TTYH3: variants seen among roughly 807,000 people sequenced by gnomAD.
TTYH3 encodes the protein tweety family member 3, also known as protein tweety homolog 3.
TTYH3 carries 23 observed loss-of-function variants against 68.2 expected under a neutral mutation model. That is an observed-to-expected ratio of 0.34 (90% confidence interval 0.24 to 0.48). TTYH3 has a LOEUF of 0.48. Ranked by LOEUF, TTYH3 falls within the 20% of genes least tolerant of loss-of-function variation. TTYH3 has a pLI of 0.99. For missense variants in TTYH3, 768 were observed against 727.7 expected (o/e 1.06, Z -0.64); for synonymous variants, 360 against 332.8 (o/e 1.08, Z -0.89).
chr7:2,654,811 GTC>G (rs1171826812), intron 9 of TTYH3, among the ~76,000 whole-genome samples: 2 of 152,142 alleles, frequency 1.3e-5, no homozygotes, highest in African/African-American at 2.4e-5. Flanking sequence ...TTGAGACAGA[GTC>G]TCTCTCTGTT....
chr7:2,649,355 G>T (rs1201890317), intron 5 of TTYH3, among the ~76,000 whole-genome samples: 1 of 152,150 alleles, frequency 6.6e-6, no homozygotes, highest in African/African-American at 2.4e-5. Flanking sequence ...TTCCAGCTCA[G>T]ATCTCTGAGC....
At chr7:2,634,160 C>T (rs560347622) in intron 1 of TTYH3, among the ~76,000 whole-genome samples, 24 of 152,308 alleles carry the variant, frequency 1.6e-4, no homozygotes, top group Admixed American at 5.9e-4. Flanking sequence ...CTCCATCCCC[C>T]GCCGCCTCCA....
At chr7:2,659,788 A>G (rs906413065) in intron 13 of TTYH3, among the ~76,000 whole-genome samples, 2 of 152,088 alleles carry the variant, frequency 1.3e-5, no homozygotes, top group African/African-American at 4.8e-5. Flanking sequence ...TGTGAGGTTC[A>G]GGCCACACAG....
At chr7:2,656,891 G>A (rs1033596696) in intron 11 of TTYH3, among the ~76,000 whole-genome samples, 2 of 152,252 alleles carry the variant, frequency 1.3e-5, no homozygotes, top group Non-Finnish European at 2.9e-5. Flanking sequence ...CCAGGCAGGT[G>A]TCCCCCACCA....
chr7:2,653,157 G>A (rs2114992646), intron 9 of TTYH3, 147 bp downstream of exon 9: 1 of 671,886 alleles, frequency 1.5e-6, no homozygotes, highest in Non-Finnish European at 2.5e-6. Flanking sequence ...AGGTGGCATG[G>A]GAGGTGTTCC....
In TTYH3 at chr7:2,647,654, C is replaced by CTT; in HGVS notation, c.626+17_626+18dup. 1 of 1,542,308 alleles carries CTT rather than the reference C, an allele frequency of 6.5e-7. No individual in the cohort carries two copies. The highest frequency in any genetic ancestry group is 8.8e-7 in the Non-Finnish European group (1 of 1,139,400). ...ACTGGTACAGGTGCGGCCAGGCCCT[C>CTT]TTCCCTGCCCGCCCCACGTGGGAAA... On this transcript the variant is annotated intron_variant, in intron 4 of 13. Transcript: ENST00000258796.
intron 1 of TTYH3, among the ~76,000 whole-genome samples, chr7:2,641,506 G>T (rs1361300036): frequency 1.3e-5 from 2 of 152,212 alleles, no homozygotes; most frequent in Non-Finnish European, 2.9e-5. Flanking sequence ...TGTGGCAGTT[G>T]AGTCCTCTCC....
intron 1 of TTYH3, among the ~76,000 whole-genome samples, chr7:2,642,611 C>A (rs1359905414): frequency 6.6e-6 from 1 of 151,326 alleles, no homozygotes; most frequent in Non-Finnish European, 1.5e-5. Context: ...GCCTGTGGTC[C>A]AAGCTACTTG....
At chr7:2,652,270 C>T (rs1323479862) in intron 8 of TTYH3, 28 bp downstream of exon 8, 8 of 1,605,088 alleles carry the variant, frequency 5.0e-6, no homozygotes, top group Non-Finnish European at 6.8e-6. Flanking sequence ...CGGGACTGGG[C>T]TTCAGGAGAG....
rs140155858 is a variant in TTYH3, at chr7:2,656,155, G to A, written c.1084G>A (p.Ala362Thr). 4.5e-6 allele frequency: 7 copies of A among 1,570,528 alleles called. No homozygotes were observed. The highest frequency in any genetic ancestry group is 1.4e-5 in the African/African-American group (1 of 73,906). The stretch of plus-strand genomic sequence containing the variant: ...GGAGGTGAACCTGCAGCACCTCACC[G>A]CCCTGGTGGACTGCCGCAGCCTGCA... ...GTEVNLQHLT[A>T]LVDCRSLHLD... The change falls in exon 10 of 14, where the codon GCC becomes ACC. Residue 362 changes from alanine to threonine, a missense_variant. By Grantham distance (58) the Ala-to-Thr change is moderately conservative. Transcript: ENST00000258796.
chr7:2,649,386 G>A (rs781362699), intron 5 of TTYH3, among the ~76,000 whole-genome samples, 181 bp from the exon 6 acceptor site: 15 of 152,152 alleles, frequency 9.9e-5, no homozygotes, highest in Non-Finnish European at 2.1e-4. Flanking sequence ...CTAGGAGAGG[G>A]ATCCATCTGG....
At chr7:2,651,132 G>T (rs1451612483) in intron 7 of TTYH3, among the ~76,000 whole-genome samples, 4 of 152,076 alleles carry the variant, frequency 2.6e-5, no homozygotes, top group African/African-American at 9.7e-5. Context: ...CTGGAGATCG[G>T]GGTGCCGTCA....
At chr7:2,632,316 C>A in intron 1 of TTYH3, 38 bp downstream of exon 1, 3 of 1,523,118 alleles carry the variant, frequency 2.0e-6, no homozygotes, top group East Asian at 2.4e-5. Flanking sequence ...GTCAGGGACC[C>A]CAGGTCACGG....
intron 5 of TTYH3, 138 bp downstream of exon 5, chr7:2,648,192 C>G: frequency 1.3e-6 from 1 of 765,100 alleles, no homozygotes; most frequent in Non-Finnish European, 2.1e-6. Context: ...CCCCCCTGCA[C>G]TGGGCCTGCT....
intron 1 of TTYH3, among the ~76,000 whole-genome samples, chr7:2,639,261 C>T (rs1304149974): frequency 4.6e-5 from 7 of 152,192 alleles, no homozygotes; most frequent in Non-Finnish European, 8.8e-5. Flanking sequence ...TACGCACAGG[C>T]TCAGGCCAGG....
rs1313754094 is a variant in TTYH3, at chr7:2,663,034, A to C, written c.*1295A>C. ...CATGAAGTGGGAGCGAGGCTCCCCAATGGTGCTTTTGGCTTTAGTGTACGA... is the reference window on the plus strand; with the variant it reads ...CATGAAGTGGGAGCGAGGCTCCCCACTGGTGCTTTTGGCTTTAGTGTACGA... On this transcript the variant is annotated 3_prime_UTR_variant, in exon 14 of 14. Transcript: ENST00000258796. The C allele has an allele frequency of 2.0e-5, 3 of 152,294 alleles. No individual in the cohort carries two copies. Among genetic ancestry groups the C allele is most frequent in the Non-Finnish European group, 2.9e-5 (2 of 68,090 alleles). The allele number at this position is 152,294 out of a possible 1,614,324, so 9.4% of individuals were successfully genotyped here. A position where few individuals can be genotyped will look rare whatever the true frequency, so the allele number is the denominator to read the frequency against.
chr7:2,645,069 G>C lies in TTYH3; in HGVS notation c.124-1784G>C, dbSNP rs554209026. Among the ~76,000 whole-genome samples, 1 of 152,184 alleles carries C rather than the reference G, an allele frequency of 6.6e-6. No homozygotes were observed. The highest frequency in any genetic ancestry group is 6.5e-5 in the Admixed American group (1 of 15,280). Reference sequence around the variant, plus strand: ...CTGCAGTAGTGCCAATGAGGGCAGCGCAGGTGTGCCTGGTGGCCACCCCAC... The same window carrying C: ...CTGCAGTAGTGCCAATGAGGGCAGCCCAGGTGTGCCTGGTGGCCACCCCAC... On this transcript the variant is annotated intron_variant, in intron 1 of 13. Transcript: ENST00000258796. This position sits in a 1 kb window ranked among gnomAD's most constrained non-coding sequence, Gnocchi z 4.8.
Position 2,646,907 on chromosome 7 carries a change from T to C in TTYH3, c.178T>C (p.Phe60Leu), listed in dbSNP as rs372861709. The part of the protein sequence containing the change: ...ALACLALDLL[F>L]LLFYSFWLCC... Reference sequence around the variant, plus strand: ...GGCCTGCCTCGCCCTGGACCTCCTCTTCCTGCTCTTCTACTCCTTCTGGCT... The same window carrying C: ...GGCCTGCCTCGCCCTGGACCTCCTCCTCCTGCTCTTCTACTCCTTCTGGCT... Residue 60 changes from phenylalanine to leucine, a missense_variant, in exon 2 of 14, where the codon TTC becomes CTC. Transcript: ENST00000258796. 6.3e-6 allele frequency: 10 copies of C among 1,599,592 alleles called. No individual in the cohort carries two copies. The African/African-American group carries it at 1.3e-4, about 21-fold the overall frequency.
At chr7:2,647,860 G>A (rs750062356) in intron 4 of TTYH3, 99 bp from the exon 5 acceptor site, 94 of 1,387,944 alleles carry the variant, frequency 6.8e-5, no homozygotes, top group Non-Finnish European at 8.0e-5. Flanking sequence ...CCTCTGGGGT[G>A]CCAGGCTGCT....
Sources: gnomAD v4.1 joint callset for allele counts (sites outside exome capture counted in the v4.1 genomes callset) on GRCh38, gnomAD v4.1.1 for gene constraint, Gnocchi (gnomAD v3.1) non-coding constraint, MANE v1.5 for transcripts, NCBI Gene and HGNC (gene_info 2026-07-23, HGNC 2026-07-21) for gene names.